PCNX2: variants seen among roughly 807,000 people sequenced by gnomAD.
The protein encoded by PCNX2 is pecanex-like protein 2.
A neutral mutation model predicts 223.8 loss-of-function variants in PCNX2; 168 were observed. That is an observed-to-expected ratio of 0.75 (90% CI 0.66 to 0.85). The LOEUF (loss-of-function observed/expected upper bound fraction) is 0.85, where lower values mean the gene tolerates loss of function less well. Among genes scored for constraint, PCNX2 ranks in the 40% least tolerant of loss-of-function variants. PCNX2 has a pLI of 0.00. For synonymous variants in PCNX2, 1,006 were observed against 1,052.6 expected, an observed-to-expected ratio of 0.96 and a Z score of 0.86; for missense variants, 2,507 against 2,675.5, an observed-to-expected ratio of 0.94 and a Z score of 1.39.
chr1:232,984,658 C>T (rs778670754), intron 33 of PCNX2, 181 bp from the exon 34 acceptor site: 131 of 598,240 alleles, frequency 2.2e-4, no homozygotes, highest in Middle Eastern at 8.6e-4. Flanking sequence ...GAGGACAGGA[C>T]GGGCAACTGA....
At chr1:233,065,509 G>C (rs1255414132) in intron 23 of PCNX2, 1 of 151,896 alleles carries the variant, frequency 6.6e-6, no homozygotes, top group East Asian at 1.9e-4. Flanking sequence ...TCCTCTACTT[G>C]GTACAACGAA....
Position 233,289,418 on chromosome 1 carries a change from C to T in PCNX2, c.153+5908G>A, listed in dbSNP as rs990972758. The stretch of plus-strand genomic sequence containing the variant: ...ACTCGTCCGGCTTCTCGCCATTAGG[C>T]TTCACGATCTTGGCGCTCGTACTGA... On this transcript the variant is annotated intron_variant, in intron 1 of 33. Transcript: ENST00000258229. The T allele has an allele frequency of 3.7e-5, 53 of 1,420,100 alleles. 1 individual carries two copies. Among genetic ancestry groups the T allele is most frequent in the Middle Eastern group, 4.9e-4 (2 of 4,074 alleles). 88.0% of individuals were successfully genotyped at this position (1,420,100 alleles called of 1,614,324 possible). A position where few individuals can be genotyped will look rare whatever the true frequency, so the allele number is the denominator to read the frequency against.
At chr1:233,187,263 A>C (rs1399483783) in intron 15 of PCNX2, among the ~76,000 whole-genome samples, 1 of 152,234 alleles carries the variant, frequency 6.6e-6, no homozygotes, top group African/African-American at 2.4e-5. Context: ...GTAAGTATCT[A>C]TATTTTTCAC....
chr1:233,110,429 G>A (rs1054495651), intron 21 of PCNX2, among the ~76,000 whole-genome samples: 1 of 152,104 alleles, frequency 6.6e-6, no homozygotes, highest in Non-Finnish European at 1.5e-5. Flanking sequence ...TCTATTCCCA[G>A]CAAAAATATC....
chr1:233,132,726 T>C (rs1217322555), intron 21 of PCNX2, among the ~76,000 whole-genome samples: 1 of 152,132 alleles, frequency 6.6e-6, no homozygotes, highest in East Asian at 1.9e-4. Flanking sequence ...GAGAGTATGT[T>C]CTACTTAACT....
intron 15 of PCNX2, among the ~76,000 whole-genome samples, chr1:233,188,240 G>A (rs1680217744): frequency 6.6e-6 from 1 of 152,122 alleles, no homozygotes; most frequent in African/African-American, 2.4e-5. Flanking sequence ...ACTGGTGGTA[G>A]GCAGAGCTCA....
At chr1:233,149,337 T>C (rs1236781559) in intron 19 of PCNX2, among the ~76,000 whole-genome samples, 2 of 152,220 alleles carry the variant, frequency 1.3e-5, no homozygotes, top group African/African-American at 4.8e-5. Context: ...TAAAAGTTAA[T>C]AAAAATCCTC....
intron 19 of PCNX2, among the ~76,000 whole-genome samples, chr1:233,141,528 T>C (rs1677109521): frequency 6.6e-6 from 1 of 152,032 alleles, no homozygotes. Flanking sequence ...TAGCTGGGCA[T>C]GGTGGCATGT....
At chr1:233,245,730 T>C (rs891650965) in intron 8 of PCNX2, among the ~76,000 whole-genome samples, 25 of 152,086 alleles carry the variant, frequency 1.6e-4, no homozygotes, top group African/African-American at 5.8e-4. Context: ...CTGGCTAACA[T>C]GTTGAATCCC....
At chr1:233,174,374 AAAATTTATATAT>A (rs1427298590) in intron 17 of PCNX2, among the ~76,000 whole-genome samples, 2 of 148,340 alleles carry the variant, frequency 1.3e-5, no homozygotes, top group East Asian at 1.9e-4. Flanking sequence ...AAAAAAATGA[AAAATTTATATAT>A]AAATTTATAT....
intron 19 of PCNX2, among the ~76,000 whole-genome samples, chr1:233,157,822 T>C (rs1678218023): frequency 6.6e-6 from 1 of 152,164 alleles, no homozygotes; most frequent in Non-Finnish European, 1.5e-5. Flanking sequence ...AATTTTGAAA[T>C]GGAATCTGTT....
At chr1:233,317,732 C>T in the PCNX2 span, among the ~76,000 whole-genome samples, 1 of 152,110 alleles carries the variant, frequency 6.6e-6, no homozygotes, top group East Asian at 1.9e-4. Flanking sequence ...CCTTCATAAA[C>T]AATACCTAAT....
rs763767285 is a variant in PCNX2, at chr1:233,161,253, A to G, written c.3366+18T>C. The G allele has an allele frequency of 4.4e-6, 7 of 1,603,858 alleles. No individual in the cohort carries two copies. The highest frequency in any genetic ancestry group is 8.5e-7 in the Non-Finnish European group (1 of 1,171,194). ...AGAATAAGGGGGCAGGAAGAGTACA[A>G]AGTTGGTGGATACATACTCGCAATG... On this transcript the variant is annotated intron_variant, in intron 18 of 33. Transcript: ENST00000258229.
intron 1 of PCNX2, among the ~76,000 whole-genome samples, chr1:233,285,569 G>A (rs1447283932): frequency 1.3e-5 from 2 of 152,142 alleles, no homozygotes; most frequent in African/African-American, 4.8e-5. Context: ...CAGCTACTCT[G>A]GAGGCTGAGG....
intron 19 of PCNX2, among the ~76,000 whole-genome samples, chr1:233,152,425 G>A (rs568050185): frequency 1.3e-5 from 2 of 152,136 alleles, no homozygotes; most frequent in African/African-American, 2.4e-5. Flanking sequence ...CTTATGTGGG[G>A]AAAAAGGCGA....
At chr1:233,280,143 A>G (rs1287772000) in intron 1 of PCNX2, among the ~76,000 whole-genome samples, 1 of 152,144 alleles carries the variant, frequency 6.6e-6, no homozygotes, top group Non-Finnish European at 1.5e-5. Flanking sequence ...ACTCCACTGT[A>G]GGACGTACCT....
the PCNX2 span, among the ~76,000 whole-genome samples, chr1:233,324,921 A>T: frequency 6.0e-3 from 917 of 152,210 alleles, 19 homozygotes; most frequent in East Asian, 0.064. Flanking sequence ...CACTGTTAAG[A>T]GCTATTGCTC....
At chr1:233,137,230 C>T (rs3905473) in intron 20 of PCNX2, among the ~76,000 whole-genome samples, 2 of 152,168 alleles carry the variant, frequency 1.3e-5, no homozygotes, top group South Asian at 4.1e-4. Context: ...TCTCCGGTTT[C>T]CTCACATATC....
At chr1:233,092,621 G>C (rs1673926825) in intron 22 of PCNX2, among the ~76,000 whole-genome samples, 1 of 152,108 alleles carries the variant, frequency 6.6e-6, no homozygotes, top group South Asian at 2.1e-4. Flanking sequence ...ATGAAAGTCT[G>C]TCACTACTAC....
Sources: allele counts gnomAD v4.1 joint callset (sites outside exome capture counted in the v4.1 genomes callset), GRCh38; gene constraint gnomAD v4.1.1; transcripts MANE v1.5; gene names NCBI Gene and HGNC (gene_info 2026-07-23, HGNC 2026-07-21).